DNAJB13: variants seen among roughly 807,000 people sequenced by gnomAD.
The protein encoded by DNAJB13 is DnaJ heat shock protein family (Hsp40) member B13, also known as dnaJ homolog subfamily B member 13.
DNAJB13 carries 22 observed loss-of-function variants against 35.6 expected under a neutral mutation model. That is an observed-to-expected ratio of 0.62 (90% CI 0.44 to 0.88). DNAJB13 has a LOEUF of 0.88. Ranked by LOEUF, DNAJB13 falls within the 40% of genes least tolerant of loss-of-function variation. The probability of loss-of-function intolerance (pLI) is 0.00; values close to 1 mark genes in which losing one functional copy is unlikely to be tolerated. For synonymous variants in DNAJB13, 136 were observed against 144.2 expected, an observed-to-expected ratio of 0.94 and a Z score of 0.41; for missense variants, 370 against 384.3, an observed-to-expected ratio of 0.96 and a Z score of 0.31.
intron 7 of DNAJB13, 88 bp from the exon 8 acceptor site, chr11:73,969,873 G>T: frequency 6.8e-7 from 1 of 1,476,770 alleles, no homozygotes; most frequent in Non-Finnish European, 9.1e-7. Context: ...CCTTCCTGGG[G>T]TTATGTGAGT....
chr11:73,961,548 A>G (rs1950932386), intron 3 of DNAJB13, among the ~76,000 whole-genome samples: 1 of 152,226 alleles, frequency 6.6e-6, no homozygotes, highest in Admixed American at 6.5e-5. Flanking sequence ...CTGCTGCAGA[A>G]AAACCTAGTG....
chr11:73,958,520 CCTT>C (rs1410149018), intron 2 of DNAJB13, 100 bp downstream of exon 2: 14 of 1,058,634 alleles, frequency 1.3e-5, no homozygotes, highest in Non-Finnish European at 1.7e-5. Context: ...GAGGAAGCAT[CCTT>C]CTTCCCTGCC....
rs1322947599 is a variant in DNAJB13, at chr11:73,963,352, AAAAAAG to A, written c.335-1520_335-1515del. Among the ~76,000 whole-genome samples, 4 of 151,774 alleles carry A rather than the reference AAAAAAG, an allele frequency of 2.6e-5. No homozygotes were observed. The East Asian group carries it at 7.9e-4, about 30-fold the overall frequency. On this transcript the variant is annotated intron_variant, in intron 3 of 7. Transcript: ENST00000339764. The stretch of plus-strand genomic sequence containing the variant: ...AAGATTGAGACTCTGTCTCAAAAAA[AAAAAAG>A]AAAAAAGAAAAAAAATGAAAGGGGC...
chr11:73,964,942 C>T lies in DNAJB13; in HGVS notation c.399C>T (p.Val133=), dbSNP rs759437061. Residue 133 remains valine (V), a synonymous_variant, in exon 4 of 8, where the codon GTC becomes GTT. Transcript: ENST00000339764. ...LNFGGLQGRG[V]KKQDPQVERD... is the part of the protein sequence containing the mutation. ...TTGGGGGGCTCCAGGGCCGAGGGGTCAAGAAGCAGGACCCCCAAGTCGAAC... is the reference window on the plus strand; with the variant it reads ...TTGGGGGGCTCCAGGGCCGAGGGGTTAAGAAGCAGGACCCCCAAGTCGAAC... 9.3e-6 allele frequency: 15 copies of T among 1,613,228 alleles called. No homozygotes were observed. Among genetic ancestry groups the T allele is most frequent in the Admixed American group, 3.3e-5 (2 of 59,840 alleles).
At chr11:73,962,907 G>A (rs1950973794) in intron 3 of DNAJB13, among the ~76,000 whole-genome samples, 1 of 152,122 alleles carries the variant, frequency 6.6e-6, no homozygotes, top group African/African-American at 2.4e-5. Flanking sequence ...TGCCATTTGT[G>A]AACCGTGTGA....
intron 3 of DNAJB13, among the ~76,000 whole-genome samples, chr11:73,961,071 G>A (rs1453315011): frequency 6.6e-6 from 1 of 152,174 alleles, no homozygotes; most frequent in Non-Finnish European, 1.5e-5. Context: ...TGGATTGCTT[G>A]AGTGTAGGAA....
At chr11:73,953,904 C>G (rs1460568527) in intron 1 of DNAJB13, among the ~76,000 whole-genome samples, 2 of 151,554 alleles carry the variant, frequency 1.3e-5, no homozygotes, top group African/African-American at 4.8e-5. Flanking sequence ...AGGAGAATGG[C>G]GTGAACCCGG....
chr11:73,965,040 G>GT lies in DNAJB13; in HGVS notation c.492+6dup. 1 of 1,562,250 alleles carries GT rather than the reference G, an allele frequency of 6.4e-7. No homozygotes were observed. Among genetic ancestry groups the GT allele is most frequent in the South Asian group, 1.2e-5 (1 of 83,096 alleles). ...AAAATTAAGATCTCCAGAAGGGTGA[G>GT]TACTCAGCTTGCTCCTCCCGGGAGC... On this transcript the variant is annotated splice_donor_region_variant and intron_variant, in intron 4 of 7. Coordinates refer to ENST00000339764, the MANE Select transcript of DNAJB13 (RefSeq NM_153614.4).
chr11:73,964,981 G>A lies in DNAJB13; in HGVS notation c.438G>A (p.Leu146=), dbSNP rs748595571. Residue 146 remains leucine, a synonymous_variant, in exon 4 of 8, where the codon CTG becomes CTA. Coordinates refer to ENST00000339764, the MANE Select transcript of DNAJB13 (RefSeq NM_153614.4). ...QDPQVERDLY[L]SLEDLFFGCT... is the part of the protein sequence containing the mutation. ...CCCAAGTCGAACGGGATCTCTACCT[G>A]TCCCTGGAGGACTTATTCTTTGGCT... 1.2e-6 allele frequency: 2 copies of A among 1,610,760 alleles called. No homozygotes were observed. The highest frequency in any genetic ancestry group is 4.5e-5 in the East Asian group (2 of 44,852).
In DNAJB13 at chr11:73,968,530, G is replaced by T. The variant is rs559531464; in HGVS notation, c.720+72G>T. 2.0e-4 allele frequency: 262 copies of T among 1,325,652 alleles called. 1 individual carries two copies. In the Middle Eastern group the frequency reaches 3.3e-3, roughly 17 times the overall value. The allele number at this position is 1,325,652 out of a possible 1,614,324, so 82.1% of individuals were successfully genotyped here. On this transcript the variant is annotated intron_variant, in intron 6 of 7. Coordinates refer to ENST00000339764, the MANE Select transcript of DNAJB13 (RefSeq NM_153614.4). ...CCCTGCCTGCCCCGGCCTAGACTTGGCCTCCCCTCCCACAACCACCTGCCA... is the reference window on the plus strand; with the variant it reads ...CCCTGCCTGCCCCGGCCTAGACTTGTCCTCCCCTCCCACAACCACCTGCCA...
At chr11:73,964,816 C>A in intron 3 of DNAJB13, 62 bp from the exon 4 acceptor site, 24 of 1,376,534 alleles carry the variant, frequency 1.7e-5, no homozygotes, top group African/African-American at 4.5e-5. Flanking sequence ...TGTGTGTGCG[C>A]GCGCGCGCAT....
chr11:73,964,815 G>GCGCCCC lies in DNAJB13; in HGVS notation c.335-60_335-59insCCCCGC, dbSNP rs1554992105. 21,710 of 968,734 alleles carry GCGCCCC rather than the reference G, an allele frequency of 0.022. 1,292 individuals carry two copies. Among genetic ancestry groups the GCGCCCC allele is most frequent in the East Asian group, 0.047 (1,654 of 35,550 alleles). The allele number at this position is 968,734 out of a possible 1,614,324, so 60.0% of individuals were successfully genotyped here. ...TGTGTGTGTGTGTGTGTGTGTGTGC[G>GCGCCCC]CGCGCGCGCATGTCTGGGTCTCTGG... On this transcript the variant is annotated intron_variant, in intron 3 of 7. Transcript: ENST00000339764.
intron 2 of DNAJB13, among the ~76,000 whole-genome samples, chr11:73,958,678 C>A (rs1950831428): frequency 1.3e-5 from 2 of 152,194 alleles, no homozygotes; most frequent in Non-Finnish European, 1.5e-5. Context: ...GGGCACATTC[C>A]CCACGCATCC....
rs1951243303 is a variant in DNAJB13, at chr11:73,970,227, G to T, written c.*113G>T. 7.3e-7 allele frequency: 1 copy of T among 1,366,532 alleles called. No homozygotes were observed. Among genetic ancestry groups the T allele is most frequent in the African/African-American group, 1.5e-5 (1 of 68,200 alleles). 84.7% of individuals were successfully genotyped at this position (1,366,532 alleles called of 1,614,324 possible). On this transcript the variant is annotated 3_prime_UTR_variant, in exon 8 of 8. Coordinates refer to ENST00000339764, the MANE Select transcript of DNAJB13 (RefSeq NM_153614.4). ...CCTGCTGCACAGATATGATACAAGG[G>T]TGGGATGGCGCAGGGCTTAAACTGA...
In DNAJB13 at chr11:73,959,668, C is replaced by T. The variant is rs375920351; in HGVS notation, c.334+13C>T. 150 of 1,609,960 alleles carry T rather than the reference C, an allele frequency of 9.3e-5. No individual in the cohort carries two copies. Among genetic ancestry groups the T allele is most frequent in the Non-Finnish European group, 1.2e-4 (143 of 1,177,216 alleles). On this transcript the variant is annotated intron_variant, in intron 3 of 7. Coordinates refer to ENST00000339764, the MANE Select transcript of DNAJB13 (RefSeq NM_153614.4). ...AACCCCTTCAGTGGTAAGAGGTCTTCCTCCCCCACCTTGCCTTATAGAGAA... is the reference window on the plus strand; with the variant it reads ...AACCCCTTCAGTGGTAAGAGGTCTTTCTCCCCCACCTTGCCTTATAGAGAA...
chr11:73,968,754 T>C (rs1591209628), intron 6 of DNAJB13, among the ~76,000 whole-genome samples: 1 of 151,568 alleles, frequency 6.6e-6, no homozygotes, highest in East Asian at 1.9e-4. Context: ...CTAAACATCT[T>C]TGTGCCACTG....
Position 73,964,810 on chromosome 11 carries a change from T to TGTGTGTGTGC in DNAJB13, c.335-65_335-64insTGTGTGCGTG, listed in dbSNP as rs1554992063. ...GTGTGTGTGTGTGTGTGTGTGTGTG[T>TGTGTGTGTGC]GTGCGCGCGCGCGCATGTCTGGGTC... is the stretch of plus-strand genomic sequence containing the variant. On this transcript the variant is annotated intron_variant, in intron 3 of 7. Transcript: ENST00000339764. 16 of 705,624 alleles carry TGTGTGTGTGC rather than the reference T, an allele frequency of 2.3e-5. 1 individual carries two copies. The highest frequency in any genetic ancestry group is 6.9e-5 in the South Asian group (4 of 58,342). 43.7% of individuals were successfully genotyped at this position (705,624 alleles called of 1,614,324 possible). A position where few individuals can be genotyped will look rare whatever the true frequency, so the allele number is the denominator to read the frequency against.
At chr11:73,956,673 C>G (rs112710745) in intron 1 of DNAJB13, among the ~76,000 whole-genome samples, 1 of 151,860 alleles carries the variant, frequency 6.6e-6, no homozygotes, top group Non-Finnish European at 1.5e-5. Context: ...CGTGGTGGCT[C>G]GCGCCTGTAA....
chr11:73,968,820 C>T (rs925284929), intron 6 of DNAJB13, among the ~76,000 whole-genome samples: 13 of 152,274 alleles, frequency 8.5e-5, no homozygotes, highest in African/African-American at 3.1e-4. Context: ...CCCGCCCCTT[C>T]GCCGCATAGC....
Sources: gnomAD v4.1 joint callset for allele counts (sites outside exome capture counted in the v4.1 genomes callset) on GRCh38, gnomAD v4.1.1 for gene constraint, MANE v1.5 for transcripts, NCBI Gene and HGNC (gene_info 2026-07-23, HGNC 2026-07-21) for gene names.